Variants in NELL1 observed in about 807,000 individuals in gnomAD.
The protein encoded by NELL1 is protein kinase C-binding protein NELL1.
In NELL1, 76 loss-of-function variants were observed where a neutral mutation model predicts 107.4. That is an observed-to-expected ratio of 0.71 (90% CI 0.59 to 0.86). The LOEUF is 0.86. Among genes scored for constraint, NELL1 ranks in the 40% least tolerant of loss-of-function variants. The pLI, the probability that NELL1 is intolerant of heterozygous loss-of-function variation, is 0.00. For synonymous variants in NELL1, 353 were observed against 341.2 expected (o/e 1.03, Z -0.38); for missense variants, 1,024 against 1,005.5 (o/e 1.02, Z -0.25).
intron 12 of NELL1, among the ~76,000 whole-genome samples, chr11:20,966,663 C>G (rs949409443): frequency 2.6e-5 from 4 of 152,042 alleles, no homozygotes; most frequent in African/African-American, 9.7e-5. Context: ...TTGCTTTGTT[C>G]TGGATAACTA....
At chr11:20,927,514 TG>T (rs2134172214) in intron 8 of NELL1, 72 bp downstream of exon 8, 1 of 1,415,668 alleles carries the variant, frequency 7.1e-7, no homozygotes, top group East Asian at 2.4e-5. Context: ...GAGTGTAACC[TG>T]GTTCTTTAAT....
chr11:20,743,550 C>T (rs895490071), intron 2 of NELL1, among the ~76,000 whole-genome samples: 3 of 152,142 alleles, frequency 2.0e-5, no homozygotes, highest in Admixed American at 6.5e-5. Context: ...TTAGCCATCA[C>T]CTAAAGCTAG....
chr11:21,342,414 G>A (rs12787398), intron 14 of NELL1, among the ~76,000 whole-genome samples: 2 of 146,628 alleles, frequency 1.4e-5, no homozygotes, highest in South Asian at 2.2e-4. Flanking sequence ...GCTTAAGTGG[G>A]GGGGGGGGTC....
At chr11:20,892,928 C>CAA (rs35992813) in intron 5 of NELL1, among the ~76,000 whole-genome samples, 12 of 98,330 alleles carry the variant, frequency 1.2e-4, no homozygotes, top group Non-Finnish European at 1.9e-4. Flanking sequence ...GACTGTGTCT[C>CAA]AAAAAAAAAA....
intron 9 of NELL1, among the ~76,000 whole-genome samples, chr11:20,929,010 A>T (rs973698549): frequency 4.6e-5 from 7 of 152,210 alleles, no homozygotes; most frequent in African/African-American, 1.7e-4. Context: ...GGATGCTTTA[A>T]ATCTACTAGC....
chr11:21,096,575 C>G (rs185122362), intron 12 of NELL1, among the ~76,000 whole-genome samples: 1 of 152,306 alleles, frequency 6.6e-6, no homozygotes, highest in Non-Finnish European at 1.5e-5. Context: ...GCCACTCCCC[C>G]TCATTTGTTG....
rs569919606 is a variant in NELL1 at position 21,260,862 on chromosome 11, G to C, written c.1549+31408G>C. The C allele has an allele frequency of 5.9e-5, 9 of 151,774 alleles. No homozygotes were observed. The East Asian group carries it at 1.7e-3, about 29-fold the overall frequency. 9.4% of individuals were successfully genotyped at this position (151,774 alleles called of 1,614,324 possible). ...CTTTTTAAATATTTTTTTTTGGTAA[G>C]GAGAGAATTATACATGGAAGTTAAT... On this transcript the variant is annotated intron_variant, in intron 14 of 19. Coordinates refer to ENST00000357134, the MANE Select transcript of NELL1 (RefSeq NM_006157.5).
intron 14 of NELL1, among the ~76,000 whole-genome samples, chr11:21,273,831 C>A (rs996025468): frequency 5.3e-5 from 8 of 152,090 alleles, no homozygotes; most frequent in South Asian, 2.1e-4. Flanking sequence ...GAAATAAAAT[C>A]CTTTACAGAC....
intron 9 of NELL1, among the ~76,000 whole-genome samples, chr11:20,933,493 G>A (rs1369390476): frequency 2.0e-5 from 3 of 152,158 alleles, no homozygotes; most frequent in Non-Finnish European, 2.9e-5. Flanking sequence ...GTTTGATGTG[G>A]GTGTCTTGCT....
At chr11:20,976,003 A>T (rs1310411118) in intron 12 of NELL1, among the ~76,000 whole-genome samples, 2 of 137,630 alleles carry the variant, frequency 1.5e-5, no homozygotes, top group East Asian at 2.1e-4. Flanking sequence ...TGTGTATTAT[A>T]TATACATTAT....
At chr11:21,154,619 A>G (rs1036395585) in intron 13 of NELL1, among the ~76,000 whole-genome samples, 12 of 152,130 alleles carry the variant, frequency 7.9e-5, no homozygotes, top group African/African-American at 2.9e-4. Flanking sequence ...AAAAATAGAC[A>G]AGTTTCTTAA....
intron 15 of NELL1, among the ~76,000 whole-genome samples, chr11:21,472,174 T>C (rs1854199609): frequency 1.3e-5 from 2 of 152,046 alleles, no homozygotes; most frequent in South Asian, 2.1e-4. Flanking sequence ...TTTGTTTGTT[T>C]GTTTGTTTTA....
chr11:21,117,665 A>G (rs922815410), intron 13 of NELL1, among the ~76,000 whole-genome samples: 2 of 151,906 alleles, frequency 1.3e-5, no homozygotes, highest in Non-Finnish European at 2.9e-5. Context: ...GATAAATTTT[A>G]TTTTTTGCTT....
At chr11:21,337,817 C>CTTCTTTCT (rs200451507) in intron 14 of NELL1, among the ~76,000 whole-genome samples, 1 of 32,374 alleles carries the variant, frequency 3.1e-5, no homozygotes, top group African/African-American at 9.9e-5. Flanking sequence ...TCTTGCTTTC[C>CTTCTTTCT]TTCTTTCTTT....
At chr11:21,550,519 A>G (rs1856553591) in intron 16 of NELL1, among the ~76,000 whole-genome samples, 1 of 151,992 alleles carries the variant, frequency 6.6e-6, no homozygotes, top group Non-Finnish European at 1.5e-5. Context: ...ATTTTTGTAT[A>G]AGGTGTAAGG....
intron 14 of NELL1, among the ~76,000 whole-genome samples, chr11:21,240,937 A>G (rs542281563): frequency 6.6e-6 from 1 of 152,152 alleles, no homozygotes; most frequent in African/African-American, 2.4e-5. Flanking sequence ...GGGAGTGGAA[A>G]TCTGACACTT....
chr11:20,727,342 T>G (rs7126356), intron 2 of NELL1, among the ~76,000 whole-genome samples: 18,177 of 152,230 alleles, frequency 0.12, 1,190 homozygotes, highest in Non-Finnish European at 0.15. Flanking sequence ...TTTCTGTGAT[T>G]GCCAGTGATG....
intron 2 of NELL1, among the ~76,000 whole-genome samples, chr11:20,692,989 A>G (rs1005644036): frequency 1.1e-4 from 16 of 152,168 alleles, no homozygotes; most frequent in Non-Finnish European, 1.9e-4. Context: ...GTGCATATAT[A>G]TTTAGGATAG....
At chr11:21,417,289 T>C (rs146891695) in intron 15 of NELL1, among the ~76,000 whole-genome samples, 87 of 152,216 alleles carry the variant, frequency 5.7e-4, no homozygotes, top group Non-Finnish European at 1.1e-3. Context: ...CAGTATACCA[T>C]ATCCCAGTTT....
Sources: allele counts gnomAD v4.1 joint callset (sites outside exome capture counted in the v4.1 genomes callset), GRCh38; gene constraint gnomAD v4.1.1; transcripts MANE v1.5; gene names NCBI Gene and HGNC (gene_info 2026-07-23, HGNC 2026-07-21).